Variants in PSME4 observed in about 807,000 individuals in gnomAD.
The protein encoded by PSME4 is proteasome activator complex subunit 4.
A neutral mutation model predicts 253.9 loss-of-function variants in PSME4; 89 were observed. The observed-to-expected ratio is 0.35, with a 90% CI of 0.30 to 0.42. The LOEUF is 0.42. PSME4 is among the 10% of genes least tolerant of loss of function. The pLI, the probability that PSME4 is intolerant of heterozygous loss-of-function variation, is 1.00. For synonymous variants in PSME4, 851 were observed against 759.2 expected (o/e 1.12, Z -1.99); for missense variants, 2,014 against 2,195.2 (o/e 0.92, Z 1.65).
At chr2:53,937,367 T>C in intron 5 of PSME4, 24 bp downstream of exon 5, 2 of 1,510,680 alleles carry the variant, frequency 1.3e-6, no homozygotes, top group Non-Finnish European at 1.8e-6. Flanking sequence ...TTTTTAGAAT[T>C]TGTCAAGATA....
chr2:53,867,747 C>G (rs1157167551), intron 44 of PSME4, among the ~76,000 whole-genome samples: 1 of 150,248 alleles, frequency 6.7e-6, no homozygotes, highest in Non-Finnish European at 1.5e-5. Context: ...GTACCTAGGC[C>G]AGTACAATCC....
At chr2:53,921,144 A>G (rs1365398243) in intron 17 of PSME4, 40 bp from the exon 18 acceptor site, 1 of 1,609,294 alleles carries the variant, frequency 6.2e-7, no homozygotes, top group Admixed American at 1.7e-5. Flanking sequence ...ATTTTGGTTA[A>G]AAGAACAAGA....
intron 39 of PSME4, 126 bp from the exon 40 acceptor site, chr2:53,887,593 G>C: frequency 1.1e-6 from 1 of 948,434 alleles, no homozygotes; most frequent in African/African-American, 1.7e-5. Flanking sequence ...CTTAGATTAT[G>C]CCTGTGTGTA....
intron 10 of PSME4, among the ~76,000 whole-genome samples, chr2:53,929,045 A>T (rs1356335650): frequency 6.6e-6 from 1 of 152,048 alleles, no homozygotes; most frequent in Non-Finnish European, 1.5e-5. Context: ...GCATGCCTGT[A>T]ATCCAAGCTA....
chr2:53,921,237 C>T, intron 17 of PSME4, 133 bp from the exon 18 acceptor site: 2 of 1,310,068 alleles, frequency 1.5e-6, no homozygotes, highest in South Asian at 1.4e-5. Context: ...AGGATTGTCA[C>T]TTTAACTGCA....
chr2:53,959,378 G>A (rs1247881838), intron 1 of PSME4, among the ~76,000 whole-genome samples: 2 of 151,750 alleles, frequency 1.3e-5, no homozygotes, highest in Non-Finnish European at 2.9e-5. Flanking sequence ...AAAAAGAGGG[G>A]GGAAAAAAAG....
intron 40 of PSME4, among the ~76,000 whole-genome samples, chr2:53,886,715 A>C (rs920309037): frequency 6.6e-6 from 1 of 152,216 alleles, no homozygotes; most frequent in African/African-American, 2.4e-5. Context: ...ACCCTAAAGA[A>C]CTGAAAGCAG....
intron 1 of PSME4, among the ~76,000 whole-genome samples, chr2:53,968,811 T>C (rs2104496177): frequency 6.6e-6 from 1 of 152,384 alleles, no homozygotes; most frequent in South Asian, 2.1e-4. Context: ...AACTTTTATC[T>C]AATAAGCCAA....
chr2:53,920,326 A>C lies in PSME4; in HGVS notation c.2287T>G (p.Trp763Gly), dbSNP rs745657812. 7 of 1,613,500 alleles carry C rather than the reference A, an allele frequency of 4.3e-6. No homozygotes were observed. The Admixed American group carries it at 1.2e-4, about 27-fold the overall frequency. Reference sequence around the variant, plus strand: ...ACATGCCACTGGATTCCCAGATTCCACAAGTCCCCGGGTTTGCCCCAGTCC... The same window carrying C: ...ACATGCCACTGGATTCCCAGATTCCCCAAGTCCCCGGGTTTGCCCCAGTCC... ...IKDWGKPGDL[W>G]NLGIQWHVPS... Residue 763 changes from tryptophan to glycine, a missense_variant, in exon 19 of 47, where the codon TGG becomes GGG. By Grantham distance (184) the Trp-to-Gly change is radical. This residue lies in a region of PSME4 where 989 missense variants were observed against 1,021.1 expected (regional missense o/e 0.97). Coordinates refer to ENST00000404125, the MANE Select transcript of PSME4 (RefSeq NM_014614.3).
intron 7 of PSME4, 24 bp downstream of exon 7, chr2:53,936,063 T>C: frequency 6.2e-7 from 1 of 1,606,878 alleles, no homozygotes; most frequent in East Asian, 2.3e-5. Context: ...GCCTGATAAT[T>C]TTTTTCCCCA....
intron 10 of PSME4, among the ~76,000 whole-genome samples, chr2:53,928,938 G>A (rs1668691236): frequency 6.6e-6 from 1 of 152,144 alleles, no homozygotes; most frequent in Non-Finnish European, 1.5e-5. Flanking sequence ...GGCCAAGGCA[G>A]GCAGATCACC....
chr2:53,963,284 G>A (rs574556543), intron 1 of PSME4, among the ~76,000 whole-genome samples: 191 of 152,008 alleles, frequency 1.3e-3, no homozygotes, highest in Admixed American at 1.4e-3. Flanking sequence ...GGGTATGATT[G>A]CACTCCCTAT....
rs1679601298 is a variant in PSME4, at chr2:53,885,634, C to A, written c.4815+56G>T. ...AACTTCAACCATCAGATGATGAACACAAATTCCTTATGAAGGTCAAAAGGA... is the reference window on the plus strand; with the variant it reads ...AACTTCAACCATCAGATGATGAACAAAAATTCCTTATGAAGGTCAAAAGGA... On this transcript the variant is annotated intron_variant, in intron 41 of 46. Transcript: ENST00000404125. 4 of 1,336,304 alleles carry A rather than the reference C, an allele frequency of 3.0e-6. No individual in the cohort carries two copies. The South Asian group carries it at 3.7e-5, about 12-fold the overall frequency. The allele number at this position is 1,336,304 out of a possible 1,614,324, so 82.8% of individuals were successfully genotyped here.
chr2:53,928,010 T>G, intron 11 of PSME4, 107 bp downstream of exon 11: 1 of 706,318 alleles, frequency 1.4e-6, no homozygotes, highest in Non-Finnish European at 2.3e-6. Flanking sequence ...ACATTTATTT[T>G]CATATTTATA....
intron 14 of PSME4, among the ~76,000 whole-genome samples, chr2:53,925,305 T>A (rs184466847): frequency 2.0e-5 from 3 of 152,226 alleles, no homozygotes; most frequent in Admixed American, 1.3e-4. Context: ...TTTAAGTAAC[T>A]GAATTTTTGT....
chr2:53,930,389 C>T (rs1668767831), intron 10 of PSME4, among the ~76,000 whole-genome samples: 1 of 152,200 alleles, frequency 6.6e-6, no homozygotes, highest in Non-Finnish European at 1.5e-5. Flanking sequence ...GATGAAGTCC[C>T]TCCTCTCCAG....
At chr2:53,897,167 GTTTTT>G (rs1056577962) in intron 31 of PSME4, among the ~76,000 whole-genome samples, 1 of 122,196 alleles carries the variant, frequency 8.2e-6, no homozygotes, top group Non-Finnish European at 1.7e-5. Context: ...TAGCCTCAGG[GTTTTT>G]TTTTTTTTTT....
intron 10 of PSME4, among the ~76,000 whole-genome samples, chr2:53,930,075 C>G (rs946627919): frequency 6.6e-6 from 1 of 151,594 alleles, no homozygotes; most frequent in African/African-American, 2.4e-5. Context: ...AAAGGTGATG[C>G]CACTTCAAAA....
At chr2:53,961,514 T>C (rs1670494626) in intron 1 of PSME4, among the ~76,000 whole-genome samples, 1 of 152,052 alleles carries the variant, frequency 6.6e-6, no homozygotes, top group African/African-American at 2.4e-5. Context: ...AAAATAAAAA[T>C]AAAATAATAA....
Sources: gnomAD v4.1 joint callset for allele counts (sites outside exome capture counted in the v4.1 genomes callset) on GRCh38, gnomAD v4.1.1 for gene constraint, gnomAD v4.1.1 regional missense constraint, MANE v1.5 for transcripts, NCBI Gene and HGNC (gene_info 2026-07-23, HGNC 2026-07-21) for gene names.